MED13L: variants seen among roughly 807,000 people sequenced by gnomAD.
The protein encoded by MED13L is mediator complex subunit 13L.
MED13L carries 7 observed loss-of-function variants against 220.9 expected under a neutral mutation model. The observed-to-expected ratio is 0.03, with a 90% CI of 0.02 to 0.06. The LOEUF (loss-of-function observed/expected upper bound fraction) is 0.06. MED13L is among the 10% of genes least tolerant of loss of function. The pLI is 1.00. For missense variants in MED13L, 1,965 were observed against 2,760.5 expected (o/e 0.71, Z 6.46); for synonymous variants, 1,011 against 1,015.2 (o/e 1.00, Z 0.08).
intron 7 of MED13L, among the ~76,000 whole-genome samples, chr12:116,018,904 A>AC (rs1353421724): frequency 2.9e-5 from 4 of 137,832 alleles, no homozygotes; most frequent in Non-Finnish European, 6.4e-5. Context: ...AATTAAAAAA[A>AC]AAAAAAACAA....
At chr12:116,046,962 G>C (rs1881875392) in intron 4 of MED13L, among the ~76,000 whole-genome samples, 1 of 152,076 alleles carries the variant, frequency 6.6e-6, no homozygotes, top group African/African-American at 2.4e-5. Context: ...GACAGAGTGA[G>C]ACTCCCTCTC....
chr12:115,982,334 C>T, intron 22 of MED13L, 50 bp downstream of exon 22: 3 of 1,545,342 alleles, frequency 1.9e-6, no homozygotes, highest in Non-Finnish European at 2.7e-6. Flanking sequence ...ATTTTCATAA[C>T]AACAAAAATA....
Position 115,982,378 on chromosome 12 carries a change from A to C in MED13L, c.5175+6T>G. The C allele has an allele frequency of 6.2e-7, 1 of 1,601,996 alleles. No homozygotes were observed. Among genetic ancestry groups the C allele is most frequent in the Non-Finnish European group, 8.6e-7 (1 of 1,168,922 alleles). ...AAAAGTAAATAATAAACTTGCAAAC[A>C]GTAACCTGGAGAATGAAAGAATTTC... is the stretch of plus-strand genomic sequence containing the variant. On this transcript the variant is annotated splice_donor_region_variant and intron_variant, in intron 22 of 30. Transcript: ENST00000281928.
chr12:116,076,158 C>T (rs1870782191), intron 4 of MED13L, among the ~76,000 whole-genome samples: 2 of 152,046 alleles, frequency 1.3e-5, no homozygotes, highest in Admixed American at 1.3e-4. Flanking sequence ...CGTGATCCGC[C>T]CGCCTCGGCC....
chr12:116,228,140 G>C (rs1364150413), intron 2 of MED13L, among the ~76,000 whole-genome samples: 1 of 152,094 alleles, frequency 6.6e-6, no homozygotes, highest in Non-Finnish European at 1.5e-5. Context: ...GGAGAGAGGT[G>C]AGGAAGCAAA....
chr12:116,072,194 C>T (rs1295659577), intron 4 of MED13L, among the ~76,000 whole-genome samples: 1 of 152,192 alleles, frequency 6.6e-6, no homozygotes, highest in Non-Finnish European at 1.5e-5. Context: ...GGACCAGCCA[C>T]TGAACACAAT....
chr12:116,156,148 G>A (rs1447838917), intron 2 of MED13L, among the ~76,000 whole-genome samples: 1 of 151,688 alleles, frequency 6.6e-6, no homozygotes, highest in Non-Finnish European at 1.5e-5. Flanking sequence ...AATTCTTTAA[G>A]CTTATAATAA....
At chr12:116,159,155 A>G (rs1878669978) in intron 2 of MED13L, among the ~76,000 whole-genome samples, 1 of 152,210 alleles carries the variant, frequency 6.6e-6, no homozygotes, top group Non-Finnish European at 1.5e-5. Context: ...GATCGACAGT[A>G]TTCTATTTAT....
chr12:116,132,690 G>A (rs1440062980), intron 2 of MED13L, among the ~76,000 whole-genome samples: 2 of 152,228 alleles, frequency 1.3e-5, no homozygotes, highest in Non-Finnish European at 1.5e-5. Context: ...GGAGGCCGAG[G>A]TGGGTGGATC....
intron 2 of MED13L, among the ~76,000 whole-genome samples, chr12:116,113,620 C>T (rs1301617450): frequency 6.7e-6 from 1 of 149,686 alleles, no homozygotes; most frequent in Non-Finnish European, 1.5e-5. Context: ...CATGCCACCA[C>T]TGCACTCCAG....
In MED13L at chr12:116,210,962, C is replaced by T. The variant is rs143529480; in HGVS notation, c.310+26506G>A. On this transcript the variant is annotated intron_variant, in intron 2 of 30. Transcript: ENST00000281928. ...AACTTGAAAAGCCTGCAAAAAGGAACAAAACTAGTTTCCAACCACAATGAA... is the reference window on the plus strand; with the variant it reads ...AACTTGAAAAGCCTGCAAAAAGGAATAAAACTAGTTTCCAACCACAATGAA... 3.8e-3 allele frequency among the ~76,000 whole-genome samples: 576 copies of T among 152,192 alleles called. 4 individuals are homozygous for T. The highest frequency in any genetic ancestry group is 6.8e-3 in the Non-Finnish European group (465 of 68,018).
At chr12:116,065,329 G>A (rs1443021692) in intron 4 of MED13L, among the ~76,000 whole-genome samples, 1 of 152,026 alleles carries the variant, frequency 6.6e-6, no homozygotes, top group East Asian at 1.9e-4. Flanking sequence ...AGGACCGGGA[G>A]GATAGCAAAA....
intron 3 of MED13L, among the ~76,000 whole-genome samples, chr12:116,098,019 C>A (rs1366212042): frequency 3.3e-5 from 5 of 152,134 alleles, no homozygotes; most frequent in African/African-American, 7.2e-5. Flanking sequence ...CCGAGGCGGG[C>A]AGATCACCTG....
chr12:116,057,000 T>C (rs973971923), intron 4 of MED13L, among the ~76,000 whole-genome samples: 2 of 152,234 alleles, frequency 1.3e-5, no homozygotes, highest in African/African-American at 4.8e-5. Flanking sequence ...TTCTCCAAAC[T>C]GACATAAGAT....
In MED13L at chr12:116,160,783, G is replaced by A. The variant is rs574659783; in HGVS notation, c.311-49271C>T. 8.0e-5 allele frequency among the ~76,000 whole-genome samples: 12 copies of A among 150,392 alleles called. No homozygotes were observed. The South Asian group carries it at 1.9e-3, about 24-fold the overall frequency. ...TTTTTTTTTTTTTTGTAGAGACAGG[G>A]TCTCAAACCCCTGGGTTCAAGTGAT... On this transcript the variant is annotated intron_variant, in intron 2 of 30. Transcript: ENST00000281928.
intron 2 of MED13L, among the ~76,000 whole-genome samples, chr12:116,233,797 C>T (rs964625994): frequency 2.4e-4 from 37 of 152,164 alleles, no homozygotes; most frequent in African/African-American, 8.9e-4. Flanking sequence ...ACCCAGAGCC[C>T]GTGCTCTGAA....
chr12:116,035,871 C>T (rs2137520837), intron 4 of MED13L, among the ~76,000 whole-genome samples: 2 of 152,216 alleles, frequency 1.3e-5, no homozygotes, highest in South Asian at 4.1e-4. Flanking sequence ...GCCACCATAC[C>T]CAGCCAAAAA....
intron 1 of MED13L, among the ~76,000 whole-genome samples, chr12:116,271,850 T>TTTTATGACAGCTC (rs1414476702): frequency 2.0e-5 from 3 of 152,126 alleles, no homozygotes; most frequent in African/African-American, 7.2e-5. Context: ...ATCTGTCTAA[T>TTTTATGACAGCTC]CTGGCTAACT....
chr12:116,149,943 T>G (rs924870215), intron 2 of MED13L, among the ~76,000 whole-genome samples: 9 of 152,234 alleles, frequency 5.9e-5, no homozygotes, highest in Non-Finnish European at 1.0e-4. Context: ...GGTGTGATAT[T>G]TCTTTCACTT....
Sources: gnomAD v4.1 joint callset for allele counts (sites outside exome capture counted in the v4.1 genomes callset) on GRCh38, gnomAD v4.1.1 for gene constraint, MANE v1.5 for transcripts, NCBI Gene and HGNC (gene_info 2026-07-23, HGNC 2026-07-21) for gene names.